RBMS3: variants seen among roughly 807,000 people sequenced by gnomAD.
The protein encoded by RBMS3 is RNA-binding motif, single-stranded-interacting protein 3.
In RBMS3, 27 loss-of-function variants were observed where a neutral mutation model predicts 66.8. The observed-to-expected ratio is 0.40, with a 90% CI of 0.30 to 0.56. The LOEUF is 0.56. RBMS3 is among the 20% of genes least tolerant of loss of function. RBMS3 has a pLI of 0.40. For synonymous variants in RBMS3, 188 were observed against 183.0 expected, an observed-to-expected ratio of 1.03 and a Z score of -0.22; for missense variants, 513 against 549.5, an observed-to-expected ratio of 0.93 and a Z score of 0.66.
intron 1 of RBMS3, among the ~76,000 whole-genome samples, chr3:29,342,300 C>T (rs1575579548): frequency 1.3e-5 from 2 of 151,932 alleles, no homozygotes; most frequent in East Asian, 3.9e-4. Flanking sequence ...GGAAGAGCTG[C>T]CCAGTCATAA....
intron 2 of RBMS3, among the ~76,000 whole-genome samples, chr3:29,467,044 C>G (rs13066929): frequency 0.28 from 42,767 of 151,734 alleles, 6,237 homozygotes; most frequent in Admixed American, 0.4. Flanking sequence ...GAAATTTTGG[C>G]CCAAGTGAAA....
intron 1 of RBMS3, among the ~76,000 whole-genome samples, chr3:29,421,213 C>G (rs2040719877): frequency 6.6e-6 from 1 of 152,116 alleles, no homozygotes; most frequent in Admixed American, 6.5e-5. Context: ...AAAGCATCCT[C>G]TGAATAATGG....
At chr3:29,556,164 C>A (rs990289182) in intron 3 of RBMS3, among the ~76,000 whole-genome samples, 2 of 152,132 alleles carry the variant, frequency 1.3e-5, no homozygotes, top group East Asian at 1.9e-4. Context: ...TCATCTTTTG[C>A]TTTGAAAAGA....
chr3:29,326,187 T>G (rs1483689912), intron 1 of RBMS3, among the ~76,000 whole-genome samples: 1 of 152,152 alleles, frequency 6.6e-6, no homozygotes, highest in Non-Finnish European at 1.5e-5. Flanking sequence ...TTTTACTAAG[T>G]GCATCCCATG....
At chr3:29,525,249 G>A (rs1173566729) in intron 3 of RBMS3, among the ~76,000 whole-genome samples, 1 of 151,940 alleles carries the variant, frequency 6.6e-6, no homozygotes, top group African/African-American at 2.4e-5. Context: ...ATATGATTGT[G>A]TTATTAGGGA....
chr3:29,945,016 TTTTGA>T (rs747010210), intron 12 of RBMS3, among the ~76,000 whole-genome samples: 6 of 151,748 alleles, frequency 4.0e-5, no homozygotes, highest in African/African-American at 1.4e-4. Flanking sequence ...TGATTTTGAA[TTTTGA>T]TTTATTGCAA....
intron 14 of RBMS3, among the ~76,000 whole-genome samples, chr3:29,994,746 G>T (rs1479230862): frequency 6.6e-6 from 1 of 152,124 alleles, no homozygotes; most frequent in African/African-American, 2.4e-5. Flanking sequence ...CAAACAGAAA[G>T]GACATCCACA....
intron 1 of RBMS3, among the ~76,000 whole-genome samples, chr3:29,410,065 G>A (rs978371479): frequency 2.0e-5 from 3 of 152,230 alleles, no homozygotes; most frequent in Non-Finnish European, 2.9e-5. Context: ...ACATTCAAAT[G>A]TTTGACCATA....
intron 1 of RBMS3, among the ~76,000 whole-genome samples, chr3:29,325,354 A>C (rs1181578867): frequency 6.6e-6 from 1 of 152,112 alleles, no homozygotes; most frequent in Non-Finnish European, 1.5e-5. Context: ...GAATAGTAGA[A>C]AGGGAGATTT....
intron 12 of RBMS3, among the ~76,000 whole-genome samples, chr3:29,972,362 A>G (rs1559850765): frequency 6.6e-6 from 1 of 152,092 alleles, no homozygotes; most frequent in Non-Finnish European, 1.5e-5. Context: ...TATTTTAATC[A>G]GATAGCTTTA....
intron 4 of RBMS3, among the ~76,000 whole-genome samples, chr3:29,677,589 A>G (rs2051310548): frequency 6.6e-6 from 1 of 152,130 alleles, no homozygotes. Context: ...TCAAACGCTC[A>G]TTGCAAATTT....
In RBMS3 at chr3:29,847,817, G is replaced by A. The variant is rs372397274; in HGVS notation, c.638-21041G>A. On this transcript the variant is annotated intron_variant, in intron 6 of 14. Coordinates refer to ENST00000383767, the MANE Select transcript of RBMS3 (RefSeq NM_001003793.3). ...ACTACAGGCGCTCGCCGTCACGCCC[G>A]GCTAATTTTCTTGTGTTTTTAGTAG... is the stretch of plus-strand genomic sequence containing the variant. 2.8e-3 allele frequency among the ~76,000 whole-genome samples: 419 copies of A among 152,096 alleles called. 1 individual carries two copies. Among genetic ancestry groups the A allele is most frequent in the African/African-American group, 9.7e-3 (401 of 41,488 alleles).
At chr3:29,719,284 T>C (rs2053536744) in intron 4 of RBMS3, among the ~76,000 whole-genome samples, 1 of 152,176 alleles carries the variant, frequency 6.6e-6, no homozygotes. Context: ...AGCTAAGACA[T>C]TGGACTAGGA....
intron 1 of RBMS3, among the ~76,000 whole-genome samples, chr3:29,429,212 ATTAT>A (rs1450242013): frequency 6.6e-6 from 1 of 152,198 alleles, no homozygotes; most frequent in Non-Finnish European, 1.5e-5. Context: ...TGAGAAGAAT[ATTAT>A]TTGCCTCATT....
chr3:29,759,838 G>A (rs2055588022), intron 5 of RBMS3, among the ~76,000 whole-genome samples: 1 of 151,996 alleles, frequency 6.6e-6, no homozygotes, highest in African/African-American at 2.4e-5. Flanking sequence ...GGACTGCTTT[G>A]CCTTGTTAAA....
chr3:29,385,632 A>T (rs34260148), intron 1 of RBMS3, among the ~76,000 whole-genome samples: 29,718 of 151,592 alleles, frequency 0.2, 2,967 homozygotes, highest in South Asian at 0.27. Context: ...ACCTCTCCTT[A>T]CTTGATTCAC....
intron 6 of RBMS3, among the ~76,000 whole-genome samples, chr3:29,853,449 G>GTTTTTTTTTTTTTTTTTTTTTTTTT (rs2058991371): frequency 1.8e-5 from 1 of 54,908 alleles, no homozygotes; most frequent in African/African-American, 1.3e-4. Flanking sequence ...TTTTTTTGCA[G>GTTTTTTTTTTTTTTTTTTTTTTTTT]TTGCAAGATT....
intron 11 of RBMS3, among the ~76,000 whole-genome samples, chr3:29,938,482 G>C (rs1355638563): frequency 6.6e-6 from 1 of 151,858 alleles, no homozygotes. Flanking sequence ...AATTTAGTAA[G>C]GTTTAGAAGA....
chr3:29,919,474 G>C (rs947594218), intron 10 of RBMS3, among the ~76,000 whole-genome samples: 1 of 152,162 alleles, frequency 6.6e-6, no homozygotes, highest in African/African-American at 2.4e-5. Context: ...CTCATATATA[G>C]GTGTGTATAC....
Sources: allele counts gnomAD v4.1 joint callset (sites outside exome capture counted in the v4.1 genomes callset), GRCh38; gene constraint gnomAD v4.1.1; transcripts MANE v1.5; gene names NCBI Gene and HGNC (gene_info 2026-07-23, HGNC 2026-07-21).